The following PCDH9 variants were observed in gnomAD, a reference collection of about 807,000 sequenced individuals.
PCDH9 encodes protocadherin 9.
PCDH9 carries 24 observed loss-of-function variants against 70.6 expected under a neutral mutation model. That is an observed-to-expected ratio of 0.34 (90% CI 0.25 to 0.48). The LOEUF (loss-of-function observed/expected upper bound fraction) is 0.48. Among genes scored for constraint, PCDH9 ranks in the 20% least tolerant of loss-of-function variants. PCDH9 has a pLI of 0.99. For synonymous variants in PCDH9, 562 were observed against 558.5 expected (o/e 1.01, Z -0.09); for missense variants, 1,281 against 1,503.6 (o/e 0.85, Z 2.45).
chr13:66,797,255 C>A (rs1386347406), intron 3 of PCDH9, among the ~76,000 whole-genome samples: 1 of 151,950 alleles, frequency 6.6e-6, no homozygotes, highest in Non-Finnish European at 1.5e-5. Context: ...TTCAACCTAC[C>A]CATATATAAA....
chr13:66,872,057 C>A (rs961906960), intron 3 of PCDH9, among the ~76,000 whole-genome samples: 15 of 152,136 alleles, frequency 9.9e-5, no homozygotes, highest in African/African-American at 3.6e-4. Flanking sequence ...AGACTTTGAA[C>A]TCTTATAGAA....
intron 4 of PCDH9, among the ~76,000 whole-genome samples, chr13:66,568,122 G>T (rs1160458226): frequency 1.3e-5 from 2 of 152,110 alleles, no homozygotes; most frequent in Admixed American, 6.5e-5. Flanking sequence ...GATCATGAAG[G>T]TGGGGCCCTA....
chr13:66,825,525 C>T (rs1040018839), intron 3 of PCDH9, among the ~76,000 whole-genome samples: 5 of 150,850 alleles, frequency 3.3e-5, no homozygotes, highest in Admixed American at 6.6e-5. Flanking sequence ...TTAGTAGAGA[C>T]GGGGTTTCAC....
At chr13:66,671,509 C>T (rs1283753221) in intron 3 of PCDH9, among the ~76,000 whole-genome samples, 2 of 152,174 alleles carry the variant, frequency 1.3e-5, no homozygotes, top group Non-Finnish European at 2.9e-5. Context: ...TGTTGAATGG[C>T]TTTGACCAAA....
chr13:67,209,275 G>A (rs961590023), intron 2 of PCDH9: 1 of 152,074 alleles, frequency 6.6e-6, no homozygotes, highest in Non-Finnish European at 1.5e-5. Flanking sequence ...TATTCTTTCT[G>A]TGATTTGTTT....
At chr13:66,615,835 A>G (rs576780901) in intron 4 of PCDH9, among the ~76,000 whole-genome samples, 5 of 152,350 alleles carry the variant, frequency 3.3e-5, no homozygotes, top group Non-Finnish European at 5.9e-5. Flanking sequence ...CCTATGAACA[A>G]AATTTGAAGC....
intron 3 of PCDH9, among the ~76,000 whole-genome samples, chr13:66,735,158 CAA>C (rs1483676276): frequency 2.0e-5 from 3 of 152,160 alleles, no homozygotes; most frequent in Admixed American, 6.5e-5. Context: ...CTCAAAATTT[CAA>C]AAGAGTATCA....
chr13:67,181,370 C>A (rs191123186), intron 2 of PCDH9, among the ~76,000 whole-genome samples: 2 of 151,860 alleles, frequency 1.3e-5, no homozygotes, highest in Admixed American at 6.6e-5. Context: ...TTAAGCAGAG[C>A]GATTTCATAA....
intron 2 of PCDH9, among the ~76,000 whole-genome samples, chr13:66,917,745 A>G (rs1001724933): frequency 1.3e-5 from 2 of 151,420 alleles, no homozygotes; most frequent in Admixed American, 1.3e-4. Flanking sequence ...TCAGAGTAAT[A>G]ATGCTCCTTA....
intron 2 of PCDH9, among the ~76,000 whole-genome samples, chr13:67,069,907 T>C (rs1329774050): frequency 1.3e-5 from 2 of 152,066 alleles, no homozygotes; most frequent in East Asian, 3.8e-4. Context: ...ATATCATTCA[T>C]CCTTTGTGTC....
chr13:66,543,238 A>C (rs901070864), intron 4 of PCDH9, among the ~76,000 whole-genome samples: 12 of 152,090 alleles, frequency 7.9e-5, no homozygotes, highest in Non-Finnish European at 1.5e-5. Context: ...TCAGCAGTAT[A>C]TATAACCTGC....
At chr13:67,097,977 C>T (rs1430504502) in intron 2 of PCDH9, among the ~76,000 whole-genome samples, 1 of 152,158 alleles carries the variant, frequency 6.6e-6, no homozygotes, top group Non-Finnish European at 1.5e-5. Flanking sequence ...AGAACTAAAG[C>T]AGTTCTTCAA....
At chr13:66,330,727 G>A (rs1283252759) in intron 4 of PCDH9, among the ~76,000 whole-genome samples, 6 of 152,066 alleles carry the variant, frequency 3.9e-5, no homozygotes, top group African/African-American at 9.7e-5. Flanking sequence ...ATTTGTACTT[G>A]AGAGAAGAAA....
intron 2 of PCDH9, among the ~76,000 whole-genome samples, chr13:67,172,416 A>G (rs916307022): frequency 1.3e-5 from 2 of 152,216 alleles, no homozygotes; most frequent in African/African-American, 4.8e-5. Context: ...AGGCAGTTAA[A>G]GTATATAATT....
intron 2 of PCDH9, among the ~76,000 whole-genome samples, chr13:67,188,229 C>T (rs776686182): frequency 1.7e-4 from 26 of 152,066 alleles, no homozygotes; most frequent in Non-Finnish European, 2.8e-4. Context: ...AATGGCAAGT[C>T]GCTTACCTTG....
chr13:67,086,368 G>A (rs1311364131), intron 2 of PCDH9, among the ~76,000 whole-genome samples: 2 of 152,174 alleles, frequency 1.3e-5, no homozygotes, highest in East Asian at 3.8e-4. Context: ...AAACTTTGCT[G>A]TTAGCCATGC....
At chr13:66,401,537 C>G (rs561236298) in intron 4 of PCDH9, among the ~76,000 whole-genome samples, 2 of 152,104 alleles carry the variant, frequency 1.3e-5, no homozygotes, top group African/African-American at 4.8e-5. Flanking sequence ...TTATTAGCAG[C>G]ATGAGAATGG....
At chr13:66,745,270 C>G (rs118084319) in intron 3 of PCDH9, among the ~76,000 whole-genome samples, 76 of 152,212 alleles carry the variant, frequency 5.0e-4, no homozygotes, top group African/African-American at 1.8e-3. Context: ...TGTTTCATAC[C>G]TGTAGAAATT....
intron 4 of PCDH9, among the ~76,000 whole-genome samples, chr13:66,477,149 A>G (rs913057876): frequency 2.0e-5 from 3 of 152,152 alleles, no homozygotes; most frequent in Admixed American, 6.6e-5. Context: ...TAACGAGACA[A>G]TATGACAGGA....
Sources: gnomAD v4.1 joint callset for allele counts (sites outside exome capture counted in the v4.1 genomes callset) on GRCh38, gnomAD v4.1.1 for gene constraint, MANE v1.5 for transcripts, NCBI Gene and HGNC (gene_info 2026-07-23, HGNC 2026-07-21) for gene names.